CBX5: variants seen among roughly 807,000 people sequenced by gnomAD.
CBX5 encodes the protein chromobox protein homolog 5.
Under a neutral mutation model 20.7 loss-of-function variants are expected in CBX5, and 7 were observed. The ratio of observed to expected loss-of-function variants is 0.34; its 90% CI spans 0.19 to 0.63. The LOEUF is 0.63. CBX5 is among the 30% of genes least tolerant of loss of function. The pLI, the probability that CBX5 is intolerant of heterozygous loss-of-function variation, is 0.75. For missense variants in CBX5, 110 were observed against 224.1 expected, an observed-to-expected ratio of 0.49 and a Z score of 3.25; for synonymous variants, 78 against 77.0, an observed-to-expected ratio of 1.01 and a Z score of -0.07.
At chr12:54,248,146 C>A (rs1034561497) in intron 3 of CBX5, among the ~76,000 whole-genome samples, 25 of 151,990 alleles carry the variant, frequency 1.6e-4, no homozygotes, top group African/African-American at 6.0e-4. Context: ...CCCGGCTACG[C>A]CTGGCTAATT....
chr12:54,253,410 A>G (rs1313011762), intron 2 of CBX5, among the ~76,000 whole-genome samples: 2 of 151,886 alleles, frequency 1.3e-5, no homozygotes, highest in Non-Finnish European at 2.9e-5. Flanking sequence ...CTGAGACTCT[A>G]TCTCAAAAAA....
chr12:54,252,979 CA>C lies in CBX5; in HGVS notation c.138-753del, dbSNP rs757909869. ...TGGGCGAAAAAGCCAGACTCTGTCT[CA>C]AAAAAAAAAAAAAAAAAAAAAGCAG... On this transcript the variant is annotated intron_variant, in intron 2 of 4. Transcript: ENST00000209875. 7.9e-3 allele frequency among the ~76,000 whole-genome samples: 372 copies of C among 47,278 alleles called. 1 individual carries two copies. Among genetic ancestry groups the C allele is most frequent in the African/African-American group, 0.023 (287 of 12,576 alleles). 31.0% of individuals were successfully genotyped at this position (47,278 alleles called of 152,430 possible).
In CBX5 at chr12:54,237,775, A is replaced by T. The variant is rs1335113584; in HGVS notation, c.*3980T>A. 6.4e-6 allele frequency: 1 copy of T among 156,028 alleles called. No individual in the cohort carries two copies. The highest frequency in any genetic ancestry group is 2.4e-5 in the African/African-American group (1 of 41,534). 9.7% of individuals were successfully genotyped at this position (156,028 alleles called of 1,614,324 possible). A position where few individuals can be genotyped will look rare whatever the true frequency, so the allele number is the denominator to read the frequency against. ...GAAACCACCCCTCAAGTCTTTAGCA[A>T]AGTCAGGTATTACAGAGGACAGAGC... is the stretch of plus-strand genomic sequence containing the variant. On this transcript the variant is annotated 3_prime_UTR_variant, in exon 5 of 5. Coordinates refer to ENST00000209875, the MANE Select transcript of CBX5 (RefSeq NM_012117.3).
In CBX5 at chr12:54,250,303, C is replaced by T. The variant is rs1480680854; in HGVS notation, c.324+1738G>A. Reference sequence around the variant, plus strand: ...GCACATGCCTGTAATCCCAACTACTCAGAAGGCTGAAACAGGAGAATCACT... The same window carrying T: ...GCACATGCCTGTAATCCCAACTACTTAGAAGGCTGAAACAGGAGAATCACT... On this transcript the variant is annotated intron_variant, in intron 3 of 4. Coordinates refer to ENST00000209875, the MANE Select transcript of CBX5 (RefSeq NM_012117.3). Among the ~76,000 whole-genome samples the T allele has an allele frequency of 2.0e-5, 3 of 151,864 alleles. No homozygotes were observed. The East Asian group carries it at 5.8e-4, about 29-fold the overall frequency.
chr12:54,279,746 G>A (rs1592168121), intron 1 of CBX5, among the ~76,000 whole-genome samples: 1 of 152,156 alleles, frequency 6.6e-6, no homozygotes, highest in South Asian at 2.1e-4. Flanking sequence ...ACATTCCGAT[G>A]GCCCAAGGGC....
intron 2 of CBX5, among the ~76,000 whole-genome samples, chr12:54,256,077 C>A (rs970895962): frequency 6.6e-6 from 1 of 152,242 alleles, no homozygotes; most frequent in Admixed American, 6.5e-5. Flanking sequence ...CTACCCCAAA[C>A]CTTACCTTTT....
At chr12:54,268,334 TTTAAG>T (rs1388616491) in intron 1 of CBX5, among the ~76,000 whole-genome samples, 6 of 151,984 alleles carry the variant, frequency 3.9e-5, no homozygotes, top group South Asian at 2.1e-4. Flanking sequence ...TCTATTGACA[TTTAAG>T]TTGAGTTACT....
chr12:54,242,537 A>C (rs1333084819), intron 4 of CBX5, among the ~76,000 whole-genome samples: 2 of 151,760 alleles, frequency 1.3e-5, no homozygotes, highest in East Asian at 1.9e-4. Context: ...AAAAAAAAAA[A>C]AAAAAAACCT....
At position 54,252,125 on chromosome 12, in the gene CBX5, T is replaced by C; in HGVS notation, c.240A>G (p.Lys80=). 2 of 1,612,270 alleles carry C rather than the reference T, an allele frequency of 1.2e-6. No homozygotes were observed. Among genetic ancestry groups the C allele is most frequent in the Admixed American group, 1.7e-5 (1 of 59,844 alleles). ...TGTTACTTTCTGACTTCTCCCTGGG[T>C]TTATTATTTTCACCCTCCTTCATCT... ...YKKMKEGENN[K]PREKSESNKR... The change falls in exon 3 of 5, where the codon AAA becomes AAG. Residue 80 remains lysine (K), a synonymous_variant. Transcript: ENST00000209875.
chr12:54,248,886 T>C (rs944488749), intron 3 of CBX5, among the ~76,000 whole-genome samples: 7 of 152,176 alleles, frequency 4.6e-5, no homozygotes, highest in Non-Finnish European at 1.0e-4. Flanking sequence ...CAATCACCTA[T>C]CTTTCCAGCT....
In CBX5 at chr12:54,244,308, G is replaced by A. The variant is rs191493437; in HGVS notation, c.425+1807C>T. ...ATTACAGACGTGAGCCACCACGCCC[G>A]GCCTTGATTATACAACTTTTAAGGT... On this transcript the variant is annotated intron_variant, in intron 4 of 4. Transcript: ENST00000209875. Among the ~76,000 whole-genome samples, 597 of 151,278 alleles carry A rather than the reference G, an allele frequency of 3.9e-3. 19 individuals carry two copies. Among genetic ancestry groups the A allele is most frequent in the Admixed American group, 0.034 (509 of 15,184 alleles).
chr12:54,244,145 G>T (rs1358086546), intron 4 of CBX5, among the ~76,000 whole-genome samples: 1 of 150,990 alleles, frequency 6.6e-6, no homozygotes, highest in Admixed American at 6.6e-5. Context: ...GGGACTACAG[G>T]CGCCTGCCAC....
Position 54,251,516 on chromosome 12 carries a change from CAAAAAA to C in CBX5, c.324+519_324+524del, listed in dbSNP as rs55662273. Among the ~76,000 whole-genome samples the C allele has an allele frequency of 1.8e-4, 12 of 68,094 alleles. No individual in the cohort carries two copies. The East Asian group carries it at 3.7e-3, about 21-fold the overall frequency. 44.7% of individuals were successfully genotyped at this position (68,094 alleles called of 152,430 possible). ...CCTGGGTGACAGCAAGACTCTGTCTCAAAAAAAAAAAAAAAAAAAAAAAAATCAGCC... is the reference window on the plus strand; with the variant it reads ...CCTGGGTGACAGCAAGACTCTGTCTCAAAAAAAAAAAAAAAAAAATCAGCC... On this transcript the variant is annotated intron_variant, in intron 3 of 4. Coordinates refer to ENST00000209875, the MANE Select transcript of CBX5 (RefSeq NM_012117.3).
At position 54,241,627 on chromosome 12, in the gene CBX5, G is replaced by A. The variant is rs1943677752; in HGVS notation, c.*128C>T. On this transcript the variant is annotated 3_prime_UTR_variant, in exon 5 of 5. Coordinates refer to ENST00000209875, the MANE Select transcript of CBX5 (RefSeq NM_012117.3). ...GAGAACCAATACCAACATTTCTCCT[G>A]TGGAGCACAGTGATAAGCACATTTT... The A allele has an allele frequency of 1.3e-6, 1 of 798,912 alleles. No homozygotes were observed. Among genetic ancestry groups the A allele is most frequent in the Non-Finnish European group, 2.0e-6 (1 of 496,536 alleles). 49.5% of individuals were successfully genotyped at this position (798,912 alleles called of 1,614,324 possible).
At chr12:54,257,803 T>G (rs1388203187) in intron 1 of CBX5, 111 bp from the exon 2 acceptor site, 2 of 705,444 alleles carry the variant, frequency 2.8e-6, no homozygotes, top group Non-Finnish European at 4.7e-6. Flanking sequence ...TGCCCTGCTC[T>G]TGAGTCTCAA....
rs529470653 is a variant in CBX5 at position 54,243,047 on chromosome 12, T to C, written c.426-1142A>G. On this transcript the variant is annotated intron_variant, in intron 4 of 4. Coordinates refer to ENST00000209875, the MANE Select transcript of CBX5 (RefSeq NM_012117.3). ...GCTGAGGTGGGAGGATCACTTGGGCTTGGGAGGTGGAGGTTGCAGTGAGCT... is the reference window on the plus strand; with the variant it reads ...GCTGAGGTGGGAGGATCACTTGGGCCTGGGAGGTGGAGGTTGCAGTGAGCT... 4.6e-5 allele frequency among the ~76,000 whole-genome samples: 7 copies of C among 151,958 alleles called. No individual in the cohort carries two copies. In the South Asian group the frequency reaches 1.5e-3, roughly 32 times the overall value.
In CBX5 at chr12:54,236,867, A is replaced by G. The variant is rs141553886; in HGVS notation, c.*4888T>C. 5 of 152,288 alleles carry G rather than the reference A, an allele frequency of 3.3e-5. No individual in the cohort carries two copies. In the East Asian group the frequency reaches 9.6e-4, roughly 29 times the overall value. 9.4% of individuals were successfully genotyped at this position (152,288 alleles called of 1,614,324 possible). On this transcript the variant is annotated 3_prime_UTR_variant, in exon 5 of 5. Transcript: ENST00000209875. ...TACCTTAGGAAAGCTGGGGTAAACTACAGATTCAACAAAATCTCAATAAGA... is the reference window on the plus strand; with the variant it reads ...TACCTTAGGAAAGCTGGGGTAAACTGCAGATTCAACAAAATCTCAATAAGA...
At chr12:54,249,374 A>AG (rs1943769202) in intron 3 of CBX5, among the ~76,000 whole-genome samples, 1 of 151,530 alleles carries the variant, frequency 6.6e-6, no homozygotes, top group Non-Finnish European at 1.5e-5. Flanking sequence ...CAAAAAAAAA[A>AG]GAAAAAAAAA....
At chr12:54,263,670 C>T (rs1019085188) in intron 1 of CBX5, among the ~76,000 whole-genome samples, 1 of 141,422 alleles carries the variant, frequency 7.1e-6, no homozygotes, top group African/African-American at 2.7e-5. Context: ...GAGGGTGAGG[C>T]AGGAGAATCG....
Sources: allele counts gnomAD v4.1 joint callset (sites outside exome capture counted in the v4.1 genomes callset), GRCh38; gene constraint gnomAD v4.1.1; transcripts MANE v1.5; gene names NCBI Gene and HGNC (gene_info 2026-07-23, HGNC 2026-07-21).